DIS3: variants seen among roughly 807,000 people sequenced by gnomAD.
DIS3 encodes the protein exosome complex exonuclease RRP44.
In DIS3, 103 loss-of-function variants were observed where a neutral mutation model predicts 113.0. The observed-to-expected ratio is 0.91, with a 90% CI of 0.78 to 1.07. The LOEUF (loss-of-function observed/expected upper bound fraction) is 1.07, where lower values mean the gene tolerates loss of function less well. DIS3 is among the 50% of genes least tolerant of loss of function. The pLI is 0.00. For missense variants in DIS3, 1,121 were observed against 1,167.1 expected (o/e 0.96, Z 0.58); for synonymous variants, 402 against 394.3 (o/e 1.02, Z -0.23).
intron 16 of DIS3, among the ~76,000 whole-genome samples, 173 bp downstream of exon 16, chr13:72,763,278 C>A (rs12874905): frequency 6.6e-6 from 1 of 151,722 alleles, no homozygotes; most frequent in East Asian, 1.9e-4. Context: ...GCACTCCAGT[C>A]TGGGTGACAG....
rs182271579 is a variant in DIS3, at chr13:72,760,524, C to A, written c.2793+5G>T. 1,326 of 1,613,276 alleles carry A rather than the reference C, an allele frequency of 8.2e-4. 10 individuals carry two copies. The highest frequency in any genetic ancestry group is 7.9e-3 in the Middle Eastern group (48 of 6,056). On this transcript the variant is annotated splice_donor_5th_base_variant and intron_variant, in intron 20 of 20. Transcript: ENST00000377767. Reference sequence around the variant, plus strand: ...ACAACAAGGAAATTTTAAGTTTGGCCTTACCTGTGGTTCTACCAGGGACAT... The same window carrying A: ...ACAACAAGGAAATTTTAAGTTTGGCATTACCTGTGGTTCTACCAGGGACAT...
chr13:72,775,775 C>T (rs1403117724), intron 5 of DIS3, 150 bp downstream of exon 5: 3 of 662,112 alleles, frequency 4.5e-6, no homozygotes, highest in South Asian at 5.6e-5. Flanking sequence ...AAATTGTGAG[C>T]ACTGCAAAAA....
Position 72,761,756 on chromosome 13 carries a change from A to C in DIS3, c.2401T>G (p.Tyr801Asp). 1.2e-6 allele frequency: 2 copies of C among 1,613,794 alleles called. No individual in the cohort carries two copies. The highest frequency in any genetic ancestry group is 1.7e-6 in the Non-Finnish European group (2 of 1,179,970). ...TTGTGTTTGTCTGTCAACTCTGGATAAGTACAGTCAGCCCCAATAGCCACA... is the reference window on the plus strand; with the variant it reads ...TTGTGTTTGTCTGTCAACTCTGGATCAGTACAGTCAGCCCCAATAGCCACA... Reference protein sequence around the residue: ...LAVAIGADCTYPELTDKHKLA... With the variant: ...LAVAIGADCTDPELTDKHKLA... Residue 801 changes from tyrosine (Y) to aspartate (D), a missense_variant, in exon 18 of 21, where the codon TAT becomes GAT. This residue lies in a region of DIS3 where 861 missense variants were observed against 915.5 expected (regional missense o/e 0.94). Transcript: ENST00000377767.
chr13:72,770,206 G>T (rs563272746), intron 13 of DIS3, among the ~76,000 whole-genome samples: 4 of 120,348 alleles, frequency 3.3e-5, no homozygotes, highest in African/African-American at 1.0e-4. Context: ...TATATTCTTT[G>T]TAAGTTTCTG....
rs2033382597 is a variant in DIS3, at chr13:72,754,334, C to G, written c.*5461G>C. The G allele has an allele frequency of 6.7e-6, 1 of 148,772 alleles. No individual in the cohort carries two copies. Among genetic ancestry groups the G allele is most frequent in the Non-Finnish European group, 1.4e-5 (1 of 70,242 alleles). The allele number at this position is 148,772 out of a possible 1,614,324, so 9.2% of individuals were successfully genotyped here. ...TTTTTCTTTTTTTTTTTTTTTGAGA[C>G]AGGGTCTTACTCTGTCACCCGGGCT... On this transcript the variant is annotated 3_prime_UTR_variant, in exon 21 of 21. Transcript: ENST00000377767.
At chr13:72,768,569 G>A (rs775430170) in intron 14 of DIS3, among the ~76,000 whole-genome samples, 9 of 152,126 alleles carry the variant, frequency 5.9e-5, no homozygotes, top group Non-Finnish European at 1.2e-4. Flanking sequence ...GTTCGAATTC[G>A]GGAGGCAGAG....
intron 3 of DIS3, 60 bp downstream of exon 3, chr13:72,778,127 A>G (rs963569610): frequency 6.4e-6 from 9 of 1,398,912 alleles, no homozygotes; most frequent in African/African-American, 1.4e-5. Flanking sequence ...CTATAGGCCT[A>G]ATGATTATTT....
chr13:72,753,759 T>A lies in DIS3; in HGVS notation c.*6036A>T. The A allele has an allele frequency of 6.2e-7, 1 of 1,613,568 alleles. No individual in the cohort carries two copies. The highest frequency in any genetic ancestry group is 8.5e-7 in the Non-Finnish European group (1 of 1,179,632). The stretch of plus-strand genomic sequence containing the variant: ...GGATACAGTTGGGGCAGAAAGTTAC[T>A]GCAAAGAAAGTGATGCACAAACATG... On this transcript the variant is annotated 3_prime_UTR_variant, in exon 21 of 21. Transcript: ENST00000377767.
chr13:72,768,639 G>C (rs768817010), intron 14 of DIS3, 146 bp downstream of exon 14: 84 of 544,418 alleles, frequency 1.5e-4, no homozygotes, highest in Non-Finnish European at 2.3e-4. Context: ...GTAAAACTCC[G>C]TTTCAAATAC....
chr13:72,766,158 G>A, intron 14 of DIS3, 100 bp from the exon 15 acceptor site: 3 of 943,502 alleles, frequency 3.2e-6, no homozygotes, highest in Non-Finnish European at 4.6e-6. Flanking sequence ...TACAGCAAGT[G>A]TGTAATAGTT....
chr13:72,766,859 A>T (rs1310509542), intron 14 of DIS3, among the ~76,000 whole-genome samples: 2 of 152,194 alleles, frequency 1.3e-5, no homozygotes, highest in African/African-American at 4.8e-5. Flanking sequence ...AATTAAAATA[A>T]GATGGAGCAA....
chr13:72,753,778 A>C lies in DIS3; in HGVS notation c.*6017T>G, dbSNP rs571577612. 7.8e-5 allele frequency: 126 copies of C among 1,613,540 alleles called. No individual in the cohort carries two copies. The South Asian group carries it at 1.3e-3, about 16-fold the overall frequency. ...AGTTACTGCAAAGAAAGTGATGCACAAACATGTGAAGTTGAGAGTAAATCT... is the reference window on the plus strand; with the variant it reads ...AGTTACTGCAAAGAAAGTGATGCACCAACATGTGAAGTTGAGAGTAAATCT... On this transcript the variant is annotated 3_prime_UTR_variant, in exon 21 of 21. Transcript: ENST00000377767.
At position 72,759,711 on chromosome 13, in the gene DIS3, T is replaced by A. The variant is rs1424639753; in HGVS notation, c.*84A>T. The A allele has an allele frequency of 3.9e-6, 4 of 1,021,374 alleles. No homozygotes were observed. The South Asian group carries it at 4.5e-5, about 11-fold the overall frequency. The allele number at this position is 1,021,374 out of a possible 1,614,324, so 63.3% of individuals were successfully genotyped here. A position where few individuals can be genotyped will look rare whatever the true frequency, so the allele number is the denominator to read the frequency against. ...ATGTACTTAAAAGTAACAAACTGTA[T>A]CACACACTTAGGCTTAGAAGTGTTC... On this transcript the variant is annotated 3_prime_UTR_variant, in exon 21 of 21. Transcript: ENST00000377767.
chr13:72,753,310 A>G lies in DIS3; in HGVS notation c.*6485T>C, dbSNP rs916019612. ...AATATAATATAATCCACTTTTTTAA[A>G]GGCAGCATGCCTCAAGCCATTTAGA... On this transcript the variant is annotated 3_prime_UTR_variant, in exon 21 of 21. Transcript: ENST00000377767. The G allele has an allele frequency of 6.2e-6, 1 of 161,976 alleles. No homozygotes were observed. Among genetic ancestry groups the G allele is most frequent in the Admixed American group, 6.1e-5 (1 of 16,354 alleles). The allele number at this position is 161,976 out of a possible 1,614,324, so 10.0% of individuals were successfully genotyped here.
intron 13 of DIS3, among the ~76,000 whole-genome samples, chr13:72,769,581 G>A (rs915488703): frequency 6.6e-6 from 1 of 151,762 alleles, no homozygotes; most frequent in African/African-American, 2.4e-5. Flanking sequence ...CGCAGGTCAG[G>A]TCGGATTCCT....
chr13:72,777,620 C>CAGAG, intron 3 of DIS3, 127 bp from the exon 4 acceptor site: 1 of 792,952 alleles, frequency 1.3e-6, no homozygotes, highest in Non-Finnish European at 2.1e-6. Context: ...GAGAGTCTCA[C>CAGAG]TCTGTCTCTC....
At chr13:72,770,428 C>A (rs2033857939) in intron 13 of DIS3, among the ~76,000 whole-genome samples, 1 of 152,088 alleles carries the variant, frequency 6.6e-6, no homozygotes, top group African/African-American at 2.4e-5. Flanking sequence ...TTTACATGTT[C>A]AAAAGAGCAT....
rs774565405 is a variant in DIS3, at chr13:72,780,951, A to C, written c.281T>G (p.Val94Gly). Residue 94 changes from valine (V) to glycine (G), a missense_variant, in exon 2 of 21, where the codon GTT (valine) becomes GGT (glycine). Around this residue, in one of 3 missense-constraint regions of DIS3, gnomAD observed 254 missense variants for 232.2 expected, o/e 1.09. Coordinates refer to ENST00000377767, the MANE Select transcript of DIS3 (RefSeq NM_014953.5). ...AIRNVIVLQTVLQEVRNRSAP... is the reference protein window; with the variant it reads ...AIRNVIVLQTGLQEVRNRSAP... ...ACTGCGATTTCTCACTTCTTGAAGA[A>C]CTGTTTGTAGCACAATTACATTCCT... 2.5e-6 allele frequency: 4 copies of C among 1,613,656 alleles called. No individual in the cohort carries two copies. In the South Asian group the frequency reaches 3.3e-5, roughly 13 times the overall value.
intron 13 of DIS3, among the ~76,000 whole-genome samples, chr13:72,769,337 T>C (rs2033831129): frequency 6.6e-6 from 1 of 152,116 alleles, no homozygotes; most frequent in African/African-American, 2.4e-5. Context: ...AGACACCATG[T>C]TTTGCAGGAA....
Sources: gnomAD v4.1 joint callset for allele counts (sites outside exome capture counted in the v4.1 genomes callset) on GRCh38, gnomAD v4.1.1 for gene constraint, gnomAD v4.1.1 regional missense constraint, MANE v1.5 for transcripts, NCBI Gene and HGNC (gene_info 2026-07-23, HGNC 2026-07-21) for gene names.